The following L3MBTL4 variants were observed in gnomAD, a reference collection of about 807,000 sequenced individuals.
L3MBTL4 encodes lethal(3)malignant brain tumor-like protein 4.
A neutral mutation model predicts 84.5 loss-of-function variants in L3MBTL4; 70 were observed. The observed-to-expected ratio is 0.83, with a 90% confidence interval of 0.68 to 1.01. The LOEUF (loss-of-function observed/expected upper bound fraction) is 1.01, where lower values mean the gene tolerates loss of function less well. Ranked by LOEUF, L3MBTL4 falls within the 50% of genes least tolerant of loss-of-function variation. The pLI is 0.00. For missense variants in L3MBTL4, 715 were observed against 754.8 expected (o/e 0.95, Z 0.62); for synonymous variants, 274 against 259.8 (o/e 1.05, Z -0.52).
At chr18:6,230,749 ATC>A (rs1459641269) in intron 10 of L3MBTL4, among the ~76,000 whole-genome samples, 1 of 152,124 alleles carries the variant, frequency 6.6e-6, no homozygotes, top group African/African-American at 2.4e-5. Context: ...CCTCACCAGC[ATC>A]TGTTATTTTT....
intron 10 of L3MBTL4, among the ~76,000 whole-genome samples, chr18:6,218,377 C>A (rs1422360676): frequency 6.6e-6 from 1 of 152,072 alleles, no homozygotes; most frequent in African/African-American, 2.4e-5. Context: ...TTGAACCATG[C>A]CCACACCTGG....
At chr18:6,027,924 T>C (rs2055587234) in intron 16 of L3MBTL4, among the ~76,000 whole-genome samples, 1 of 152,364 alleles carries the variant, frequency 6.6e-6, no homozygotes, top group South Asian at 2.1e-4. Flanking sequence ...TCCTTGTAAA[T>C]TCTGGATATT....
At chr18:5,962,150 A>G (rs2095266627) in intron 17 of L3MBTL4, among the ~76,000 whole-genome samples, 1 of 152,158 alleles carries the variant, frequency 6.6e-6, no homozygotes, top group African/African-American at 2.4e-5. Context: ...ACTGACCACA[A>G]CATGTGTTCA....
chr18:5,990,931 C>A (rs184333467), intron 16 of L3MBTL4, among the ~76,000 whole-genome samples: 3 of 152,242 alleles, frequency 2.0e-5, no homozygotes. Flanking sequence ...CTTGGAATAT[C>A]ATTTTCTTCC....
intron 4 of L3MBTL4, among the ~76,000 whole-genome samples, chr18:6,271,886 G>A (rs1342266707): frequency 6.6e-6 from 1 of 152,210 alleles, no homozygotes; most frequent in Non-Finnish European, 1.5e-5. Flanking sequence ...TGCTGGATCT[G>A]ACAGCCAGGG....
chr18:6,263,047 G>C (rs553599402), intron 5 of L3MBTL4, among the ~76,000 whole-genome samples: 25 of 152,296 alleles, frequency 1.6e-4, no homozygotes, highest in African/African-American at 5.3e-4. Context: ...GGCCGAGGCA[G>C]GCGGATCATG....
intron 13 of L3MBTL4, among the ~76,000 whole-genome samples, chr18:6,159,216 C>G (rs7230993): frequency 0.073 from 11,088 of 152,276 alleles, 1,369 homozygotes; most frequent in African/African-American, 0.25. Flanking sequence ...CCATAGGCCT[C>G]GCCCCAGGTT....
At chr18:6,164,177 G>A (rs1028899132) in intron 13 of L3MBTL4, among the ~76,000 whole-genome samples, 88 of 152,334 alleles carry the variant, frequency 5.8e-4, no homozygotes, top group Non-Finnish European at 9.7e-4. Context: ...AAACAAAGAG[G>A]CCAGGAAGCT....
intron 14 of L3MBTL4, among the ~76,000 whole-genome samples, chr18:6,128,895 G>C (rs1308836361): frequency 1.3e-5 from 2 of 152,078 alleles, no homozygotes; most frequent in Non-Finnish European, 2.9e-5. Flanking sequence ...TTTGAGGTGA[G>C]AGGCGGATTA....
chr18:6,362,152 G>GA (rs2053725165), intron 1 of L3MBTL4, among the ~76,000 whole-genome samples: 2 of 71,216 alleles, frequency 2.8e-5, no homozygotes, highest in Non-Finnish European at 5.2e-5. Flanking sequence ...GAGGGGAGGG[G>GA]GGGAAGAGAA....
chr18:6,124,807 G>C (rs1011324955), intron 14 of L3MBTL4, among the ~76,000 whole-genome samples: 3 of 152,188 alleles, frequency 2.0e-5, no homozygotes, highest in East Asian at 1.9e-4. Flanking sequence ...AATCAGTAAA[G>C]GTGCATGGTA....
At chr18:6,082,876 T>C (rs542662212) in intron 15 of L3MBTL4, among the ~76,000 whole-genome samples, 2 of 152,286 alleles carry the variant, frequency 1.3e-5, no homozygotes, top group South Asian at 4.2e-4. Flanking sequence ...TAGTTCAGAT[T>C]CAGGTAGCAT....
intron 1 of L3MBTL4, among the ~76,000 whole-genome samples, chr18:6,317,738 C>T (rs1259168316): frequency 6.6e-6 from 1 of 152,070 alleles, no homozygotes; most frequent in Non-Finnish European, 1.5e-5. Context: ...TGTCCAAACA[C>T]AAGAAGCTCA....
intron 1 of L3MBTL4, among the ~76,000 whole-genome samples, chr18:6,337,767 G>A (rs1030527507): frequency 2.6e-4 from 40 of 152,032 alleles, no homozygotes; most frequent in African/African-American, 9.2e-4. Context: ...TCAGCGACTA[G>A]TTTACTTAAA....
At chr18:6,218,012 T>G (rs2046396066) in intron 10 of L3MBTL4, among the ~76,000 whole-genome samples, 1 of 152,240 alleles carries the variant, frequency 6.6e-6, no homozygotes, top group African/African-American at 2.4e-5. Context: ...GCTGAATTTT[T>G]TTTAAGCTCT....
intron 14 of L3MBTL4, among the ~76,000 whole-genome samples, chr18:6,115,563 C>T (rs150648558): frequency 1.5e-3 from 221 of 152,242 alleles, no homozygotes; most frequent in African/African-American, 4.8e-3. Flanking sequence ...ACCTACAAGG[C>T]GATGCTCATT....
At chr18:6,255,314 C>T (rs763413745) in intron 5 of L3MBTL4, among the ~76,000 whole-genome samples, 8 of 152,204 alleles carry the variant, frequency 5.3e-5, no homozygotes, top group Non-Finnish European at 1.2e-4. Flanking sequence ...CTTCATACCC[C>T]TACCAGGAAC....
In L3MBTL4 at chr18:6,054,717, G is replaced by A. The variant is rs143415781; in HGVS notation, c.1444+26164C>T. On this transcript the variant is annotated intron_variant, in intron 16 of 18. Transcript: ENST00000317931. The stretch of plus-strand genomic sequence containing the variant: ...GAGCTCCACAACAGCTCAGACCAGC[G>A]CTGCTCTTATTTACTGTGGTATGGC... Among the ~76,000 whole-genome samples the A allele has an allele frequency of 2.1e-3, 320 of 152,296 alleles. 1 individual carries two copies. Among genetic ancestry groups the A allele is most frequent in the African/African-American group, 7.5e-3 (310 of 41,562 alleles).
chr18:6,203,726 A>C (rs2045749607), intron 12 of L3MBTL4, among the ~76,000 whole-genome samples: 1 of 152,178 alleles, frequency 6.6e-6, no homozygotes, highest in Admixed American at 6.5e-5. Context: ...CATACAAACC[A>C]GGTGGGATCT....
Sources: gnomAD v4.1 joint callset for allele counts (sites outside exome capture counted in the v4.1 genomes callset) on GRCh38, gnomAD v4.1.1 for gene constraint, MANE v1.5 for transcripts, NCBI Gene and HGNC (gene_info 2026-07-23, HGNC 2026-07-21) for gene names.